Variants in ZBTB21 observed in about 807,000 individuals in gnomAD.
ZBTB21 encodes zinc finger and BTB domain-containing protein 21.
In ZBTB21, 10 loss-of-function variants were observed where a neutral mutation model predicts 39.8. That is an observed-to-expected ratio of 0.25 (90% CI 0.16 to 0.43). The LOEUF (loss-of-function observed/expected upper bound fraction) is 0.43. Ranked by LOEUF, ZBTB21 falls within the 20% of genes least tolerant of loss-of-function variation. The pLI, the probability that ZBTB21 is intolerant of heterozygous loss-of-function variation, is 1.00. For missense variants in ZBTB21, 1,221 were observed against 1,296.3 expected, an observed-to-expected ratio of 0.94 and a Z score of 0.89; for synonymous variants, 551 against 498.8, an observed-to-expected ratio of 1.10 and a Z score of -1.40.
Position 41,992,268 on chromosome 21 carries a change from A to C in ZBTB21, c.1828T>G (p.Ser610Ala). The change falls in exon 3 of 3, where the codon TCA becomes GCA. Residue 610 changes from serine (S) to alanine (A), a missense_variant. Ser to Ala is a moderately conservative substitution (Grantham distance 99). Around this residue, in one of 4 missense-constraint regions of ZBTB21, gnomAD observed 90 missense variants for 133.1 expected, o/e 0.68. Coordinates refer to ENST00000310826, the MANE Select transcript of ZBTB21 (RefSeq NM_001098402.2). This position sits in a 1 kb window ranked among gnomAD's most constrained non-coding sequence, Gnocchi z 4.1. ...IVKNPSPASS[S>A]HAVLDEKFQR... ...AATTTTTCATCCAAAACAGCATGTG[A>C]ACTAGAGGCTGGTGATGGGTTCTTC... 1 of 1,614,166 alleles carries C rather than the reference A, an allele frequency of 6.2e-7. No homozygotes were observed. Among genetic ancestry groups the C allele is most frequent in the Non-Finnish European group, 8.5e-7 (1 of 1,180,040 alleles).
In ZBTB21 at chr21:41,994,009, C is replaced by T. The variant is rs1176894363; in HGVS notation, c.87G>A (p.Leu29=). The part of the protein sequence containing the change: ...ALNEERLKGQ[L]CDVLLIVGDQ... ...CTCCAACAATCAGCAGCACATCACA[C>T]AGCTGTCCTTTGAGACGCTCCTCAT... is the stretch of plus-strand genomic sequence containing the variant. The change falls in exon 3 of 3, where the codon CTG becomes CTA. Residue 29 remains leucine, a synonymous_variant. Transcript: ENST00000310826. 2.5e-6 allele frequency: 4 copies of T among 1,614,260 alleles called. No individual in the cohort carries two copies. The highest frequency in any genetic ancestry group is 2.5e-6 in the Non-Finnish European group (3 of 1,180,044).
chr21:42,000,913 C>T (rs576962688), intron 2 of ZBTB21, among the ~76,000 whole-genome samples: 12 of 152,272 alleles, frequency 7.9e-5, no homozygotes, highest in African/African-American at 2.6e-4. Flanking sequence ...TGCAGAATAA[C>T]TTTATAGAGT....
At chr21:42,000,009 T>C (rs1459059948) in intron 2 of ZBTB21, among the ~76,000 whole-genome samples, 1 of 152,060 alleles carries the variant, frequency 6.6e-6, no homozygotes, top group African/African-American at 2.4e-5. Flanking sequence ...TGGGGGAAGC[T>C]GCGGGCCAGC....
chr21:42,009,767 C>T (rs1041242853), intron 1 of ZBTB21, among the ~76,000 whole-genome samples: 1 of 151,894 alleles, frequency 6.6e-6, no homozygotes, highest in South Asian at 2.1e-4. Flanking sequence ...GCGGCAGGTG[C>T]GGGGTCCCCA....
At chr21:42,005,310 C>A (rs1049733980) in intron 1 of ZBTB21, among the ~76,000 whole-genome samples, 2 of 152,204 alleles carry the variant, frequency 1.3e-5, no homozygotes, top group African/African-American at 4.8e-5. Flanking sequence ...TCTGGGCTAA[C>A]CATACAACCA....
At position 41,988,757 on chromosome 21, in the gene ZBTB21, A is replaced by C. The variant is rs1212243665; in HGVS notation, c.*2138T>G. 6.7e-6 allele frequency: 1 copy of C among 149,872 alleles called. No homozygotes were observed. 9.3% of individuals were successfully genotyped at this position (149,872 alleles called of 1,614,324 possible). A position where few individuals can be genotyped will look rare whatever the true frequency, so the allele number is the denominator to read the frequency against. On this transcript the variant is annotated 3_prime_UTR_variant, in exon 3 of 3. Transcript: ENST00000310826. ...ATGCAGAACCTATGTTTAGATCAAA[A>C]ATATTTTTTTTTTTTACTGATTAAC...
At chr21:42,008,555 A>AAG (rs1555912650) in intron 1 of ZBTB21, among the ~76,000 whole-genome samples, 24 of 134,390 alleles carry the variant, frequency 1.8e-4, no homozygotes, top group African/African-American at 5.8e-4. Context: ...AAAAAAAAAA[A>AAG]AAAAAAAGAA....
chr21:41,996,585 A>G (rs982308321), intron 2 of ZBTB21, among the ~76,000 whole-genome samples: 9 of 152,212 alleles, frequency 5.9e-5, no homozygotes, highest in African/African-American at 2.2e-4. Context: ...TTTGTCTCAG[A>G]AGAGACTTTG....
Position 41,993,639 on chromosome 21 carries a change from GACAA to G in ZBTB21, c.453_456del (p.Cys152LysfsTer18). The G allele has an allele frequency of 1.2e-6, 2 of 1,614,136 alleles. No homozygotes were observed. ...TTTCCTTGCGCTTCGTTTCTACTTT[GACAA>G]ACAATGACACTTCTCTTTTGAGAAC... On this transcript the variant is annotated frameshift_variant, in exon 3 of 3. Coordinates refer to ENST00000310826, the MANE Select transcript of ZBTB21 (RefSeq NM_001098402.2). LOFTEE classifies it low-confidence loss of function (END_TRUNC).
At position 41,989,497 on chromosome 21, in the gene ZBTB21, T is replaced by A. The variant is rs2065622228; in HGVS notation, c.*1398A>T. The A allele has an allele frequency of 6.6e-6, 1 of 152,180 alleles. No individual in the cohort carries two copies. Among genetic ancestry groups the A allele is most frequent in the Non-Finnish European group, 1.5e-5 (1 of 67,990 alleles). 9.4% of individuals were successfully genotyped at this position (152,180 alleles called of 1,614,324 possible). ...AAAGGATTTTGTAGTTTCGTTTTTT[T>A]AATACATCTAACTCCCACCCCCACA... On this transcript the variant is annotated 3_prime_UTR_variant, in exon 3 of 3. Coordinates refer to ENST00000310826, the MANE Select transcript of ZBTB21 (RefSeq NM_001098402.2).
Position 41,992,054 on chromosome 21 carries a change from A to G in ZBTB21, c.2042T>C (p.Phe681Ser). The stretch of plus-strand genomic sequence containing the variant: ...TATATGCTGCTTAAATTGAGAGAGA[A>G]AGCGGTACGCTTTTCCGCAGTAAGT... The part of the protein sequence containing the change: ...ICTYCGKAYR[F>S]LSQFKQHIKM... Residue 681 changes from phenylalanine to serine, a missense_variant, in exon 3 of 3, where the codon TTT (phenylalanine) becomes TCT (serine). Phe to Ser is a radical substitution (Grantham distance 155). Coordinates refer to ENST00000310826, the MANE Select transcript of ZBTB21 (RefSeq NM_001098402.2). The surrounding 1 kb of genome is among the most constrained non-coding windows in gnomAD (Gnocchi z 4.1). The G allele has an allele frequency of 6.2e-7, 1 of 1,614,218 alleles. No individual in the cohort carries two copies. Among genetic ancestry groups the G allele is most frequent in the Non-Finnish European group, 8.5e-7 (1 of 1,180,038 alleles).
chr21:42,009,809 CG>C (rs947121596), intron 1 of ZBTB21, among the ~76,000 whole-genome samples: 1 of 151,986 alleles, frequency 6.6e-6, no homozygotes, highest in African/African-American at 2.4e-5. Context: ...GCACACCCCG[CG>C]GCCCGGGCCG....
rs778915166 is a variant in ZBTB21 at position 41,993,111 on chromosome 21, T to C, written c.985A>G (p.Ile329Val). 1 of 1,614,232 alleles carries C rather than the reference T, an allele frequency of 6.2e-7. No individual in the cohort carries two copies. Among genetic ancestry groups the C allele is most frequent in the South Asian group, 1.1e-5 (1 of 91,088 alleles). ...TTAACAAGTGGGCCACTCCTGTCAA[T>C]GCTTTGGTTTCCAGAACCAGATCCA... ...SSGSGSGNQS[I>V]DRSGPLVKSL... The change falls in exon 3 of 3, where the codon ATT (isoleucine) becomes GTT (valine). Residue 329 changes from isoleucine to valine, a missense_variant. Around this residue, in one of 4 missense-constraint regions of ZBTB21, gnomAD observed 500 missense variants for 465.6 expected, o/e 1.07. Transcript: ENST00000310826.
At position 42,002,916 on chromosome 21, in the gene ZBTB21, A is replaced by T. The variant is rs1357357886; in HGVS notation, c.-33T>A. On this transcript the variant is annotated 5_prime_UTR_variant, in exon 2 of 3. Transcript: ENST00000310826. The stretch of plus-strand genomic sequence containing the variant: ...GCTTACCACTTTGATCCTCGCACAC[A>T]AATAGCTTCCCAAAGCCTTCCTGGA... 1 of 152,222 alleles carries T rather than the reference A, an allele frequency of 6.6e-6. No homozygotes were observed. The highest frequency in any genetic ancestry group is 1.5e-5 in the Non-Finnish European group (1 of 68,042). The allele number at this position is 152,222 out of a possible 1,614,324, so 9.4% of individuals were successfully genotyped here. A position where few individuals can be genotyped will look rare whatever the true frequency, so the allele number is the denominator to read the frequency against.
rs1406038025 is a variant in ZBTB21, at chr21:41,988,350, A to T, written c.*2545T>A. ...TTCTACATTTTCAAAATTAATTACA[A>T]TCCTAAAATATATTTACATGAATAT... On this transcript the variant is annotated 3_prime_UTR_variant, in exon 3 of 3. Transcript: ENST00000310826. The T allele has an allele frequency of 6.6e-6, 1 of 152,228 alleles. No homozygotes were observed. Among genetic ancestry groups the T allele is most frequent in the Non-Finnish European group, 1.5e-5 (1 of 68,022 alleles). The allele number at this position is 152,228 out of a possible 1,614,324, so 9.4% of individuals were successfully genotyped here. A position where few individuals can be genotyped will look rare whatever the true frequency, so the allele number is the denominator to read the frequency against.
intron 1 of ZBTB21, chr21:42,009,344 C>T (rs1414773524): frequency 6.6e-6 from 1 of 152,186 alleles, no homozygotes; most frequent in African/African-American, 2.4e-5. Flanking sequence ...AAGCAGGAGC[C>T]GCTGAGGATG....
Position 41,990,901 on chromosome 21 carries a change from G to T in ZBTB21, c.3195C>A (p.His1065Gln). The T allele has an allele frequency of 6.8e-7, 1 of 1,466,190 alleles. No individual in the cohort carries two copies. Among genetic ancestry groups the T allele is most frequent in the South Asian group, 1.6e-5 (1 of 63,328 alleles). 90.8% of individuals were successfully genotyped at this position (1,466,190 alleles called of 1,614,324 possible). ...AFSLWSHEQT[H>Q]N ...GGTAAAAAGTGTTGGTCTTTCAATTGTGTGTTTGTTCGTGACTCCAAAGAC... is the reference window on the plus strand; with the variant it reads ...GGTAAAAAGTGTTGGTCTTTCAATTTTGTGTTTGTTCGTGACTCCAAAGAC... Residue 1065 changes from histidine (H) to glutamine (Q), a missense_variant, in exon 3 of 3, where the codon CAC becomes CAA. Around this residue, in one of 4 missense-constraint regions of ZBTB21, gnomAD observed 523 missense variants for 542.5 expected, o/e 0.96. Transcript: ENST00000310826.
rs1002475214 is a variant in ZBTB21, at chr21:41,989,524, G to T, written c.*1371C>A. On this transcript the variant is annotated 3_prime_UTR_variant, in exon 3 of 3. Transcript: ENST00000310826. ...ATACATCTAACTCCCACCCCCACAA[G>T]TAAAAGTTTTCCCTTTTGAAACACA... 2 of 152,042 alleles carry T rather than the reference G, an allele frequency of 1.3e-5. No individual in the cohort carries two copies. Among genetic ancestry groups the T allele is most frequent in the Admixed American group, 1.3e-4 (2 of 15,262 alleles). The allele number at this position is 152,042 out of a possible 1,614,324, so 9.4% of individuals were successfully genotyped here.
chr21:41,987,742 T>A lies in ZBTB21; in HGVS notation c.*3153A>T, dbSNP rs1379368377. ...GCATGCATGTGTGTACAAACCCAAT[T>A]TGAGACAACAAAGGCCAACTTTAGA... On this transcript the variant is annotated 3_prime_UTR_variant, in exon 3 of 3. Transcript: ENST00000310826. The A allele has an allele frequency of 1.3e-5, 2 of 152,224 alleles. No homozygotes were observed. The highest frequency in any genetic ancestry group is 6.5e-5 in the Admixed American group (1 of 15,288). 9.4% of individuals were successfully genotyped at this position (152,224 alleles called of 1,614,324 possible). A position where few individuals can be genotyped will look rare whatever the true frequency, so the allele number is the denominator to read the frequency against.
Sources: gnomAD v4.1 joint callset for allele counts (sites outside exome capture counted in the v4.1 genomes callset) on GRCh38, gnomAD v4.1.1 for gene constraint, gnomAD v4.1.1 regional missense constraint, Gnocchi (gnomAD v3.1) non-coding constraint, MANE v1.5 for transcripts, NCBI Gene and HGNC (gene_info 2026-07-23, HGNC 2026-07-21) for gene names.